Variants in ZNRF3 observed in about 807,000 individuals in gnomAD.
ZNRF3 encodes zinc and ring finger 3, also known as E3 ubiquitin-protein ligase ZNRF3.
Under a neutral mutation model 72.5 loss-of-function variants are expected in ZNRF3, and 23 were observed. The ratio of observed to expected loss-of-function variants is 0.32; its 90% confidence interval spans 0.23 to 0.45. ZNRF3 has a LOEUF of 0.45. Among genes scored for constraint, ZNRF3 ranks in the 20% least tolerant of loss-of-function variants. The pLI is 1.00. For synonymous variants in ZNRF3, 610 were observed against 545.3 expected (o/e 1.12, Z -1.65); for missense variants, 1,169 against 1,272.1 (o/e 0.92, Z 1.23).
At chr22:28,894,767 G>A (rs1018126937) in intron 1 of ZNRF3, among the ~76,000 whole-genome samples, 52 of 152,296 alleles carry the variant, frequency 3.4e-4, no homozygotes, top group African/African-American at 1.2e-3. Flanking sequence ...ACTCTCAGGG[G>A]TGCATTTAAG....
chr22:28,973,953 C>CTTTTTTTTTT (rs553300044), intron 1 of ZNRF3, among the ~76,000 whole-genome samples: 1 of 111,474 alleles, frequency 9.0e-6, no homozygotes, highest in African/African-American at 3.2e-5. Flanking sequence ...CTCTCTCTCT[C>CTTTTTTTTTT]TTTTTTTTTT....
chr22:28,924,420 C>T (rs969291264), intron 1 of ZNRF3, among the ~76,000 whole-genome samples: 3 of 152,282 alleles, frequency 2.0e-5, no homozygotes, highest in Admixed American at 6.5e-5. Context: ...GGCTTTGGAA[C>T]ACACCTGGTG....
intron 1 of ZNRF3, among the ~76,000 whole-genome samples, chr22:28,947,211 C>T (rs987558871): frequency 1.3e-5 from 2 of 151,300 alleles, no homozygotes; most frequent in Non-Finnish European, 2.9e-5. Flanking sequence ...CCATGTATTA[C>T]TGAGTAGTAT....
intron 1 of ZNRF3, among the ~76,000 whole-genome samples, chr22:28,982,853 C>T (rs1378841899): frequency 1.3e-5 from 2 of 152,148 alleles, no homozygotes; most frequent in Non-Finnish European, 2.9e-5. Flanking sequence ...CCGATGCTGT[C>T]GTCAGGGGCC....
intron 1 of ZNRF3, among the ~76,000 whole-genome samples, chr22:28,904,000 A>G (rs892319605): frequency 2.0e-5 from 3 of 152,040 alleles, no homozygotes; most frequent in African/African-American, 4.8e-5. Context: ...CTCTCTCCTC[A>G]AAGTGTCTTG....
At chr22:29,019,079 A>G (rs924903797) in intron 2 of ZNRF3, among the ~76,000 whole-genome samples, 2 of 151,728 alleles carry the variant, frequency 1.3e-5, no homozygotes, top group African/African-American at 4.8e-5. Context: ...AGACTAGCCC[A>G]GGCTTCTTAC....
At chr22:29,009,336 C>T (rs777894081) in intron 2 of ZNRF3, among the ~76,000 whole-genome samples, 6 of 151,724 alleles carry the variant, frequency 4.0e-5, no homozygotes, top group African/African-American at 1.5e-4. Context: ...CTTGACTGGG[C>T]GTGATGGTTT....
intron 1 of ZNRF3, among the ~76,000 whole-genome samples, chr22:28,884,735 G>A (rs2033743792): frequency 2.0e-5 from 3 of 152,170 alleles, no homozygotes; most frequent in African/African-American, 7.2e-5. Context: ...CCCGTCCCTC[G>A]GCCAAAGACT....
intron 1 of ZNRF3, among the ~76,000 whole-genome samples, chr22:28,979,920 G>A (rs957127757): frequency 1.3e-5 from 2 of 152,210 alleles, no homozygotes; most frequent in African/African-American, 2.4e-5. Flanking sequence ...AGAAAGCTCC[G>A]TGGAAGGGGT....
In ZNRF3 at chr22:28,883,578, C is replaced by T. The variant is rs1189110042; in HGVS notation, c.-189C>T. On this transcript the variant is annotated 5_prime_UTR_variant, in exon 1 of 9. Transcript: ENST00000544604. This position sits in a 1 kb window ranked among gnomAD's most constrained non-coding sequence, Gnocchi z 5.5. ...ACGACGCTGCCGGGGCGGGGATAAC[C>T]CCTCACGTGGAGCAGATGAAAGGGC... The T allele has an allele frequency of 1.1e-5, 5 of 455,976 alleles. No homozygotes were observed. Among genetic ancestry groups the T allele is most frequent in the Non-Finnish European group, 2.9e-6 (1 of 346,184 alleles). 28.2% of individuals were successfully genotyped at this position (455,976 alleles called of 1,614,324 possible).
chr22:28,917,199 A>C (rs2034421538), intron 1 of ZNRF3, among the ~76,000 whole-genome samples: 1 of 151,878 alleles, frequency 6.6e-6, no homozygotes, highest in African/African-American at 2.4e-5. Context: ...ACAGGAAACT[A>C]AGGACTGCCA....
At chr22:28,989,035 A>C (rs1939321493) in intron 2 of ZNRF3, among the ~76,000 whole-genome samples, 1 of 152,188 alleles carries the variant, frequency 6.6e-6, no homozygotes, top group African/African-American at 2.4e-5. Flanking sequence ...CTGTGATGCC[A>C]GGGGGAATAA....
At chr22:28,911,984 G>A (rs2034326966) in intron 1 of ZNRF3, among the ~76,000 whole-genome samples, 1 of 152,158 alleles carries the variant, frequency 6.6e-6, no homozygotes, top group African/African-American at 2.4e-5. Context: ...GCCACACTGG[G>A]ATAAACTTTG....
chr22:28,967,823 G>A (rs1011091750), intron 1 of ZNRF3, among the ~76,000 whole-genome samples: 1 of 151,656 alleles, frequency 6.6e-6, no homozygotes, highest in Non-Finnish European at 1.5e-5. Context: ...TACTCAGGTG[G>A]CTGAGGCAGG....
At chr22:28,974,250 G>C (rs545302618) in intron 1 of ZNRF3, among the ~76,000 whole-genome samples, 3 of 151,966 alleles carry the variant, frequency 2.0e-5, no homozygotes, top group Non-Finnish European at 4.4e-5. Flanking sequence ...CATGAGCCAC[G>C]ATGCCTGGCT....
At chr22:29,015,547 G>A (rs2036415945) in intron 2 of ZNRF3, among the ~76,000 whole-genome samples, 1 of 151,960 alleles carries the variant, frequency 6.6e-6, no homozygotes, top group Non-Finnish European at 1.5e-5. Context: ...GTGCACGCCT[G>A]TAGTCCCAGC....
chr22:29,025,689 T>A (rs1251803439), intron 2 of ZNRF3: 3 of 151,768 alleles, frequency 2.0e-5, no homozygotes, highest in African/African-American at 7.3e-5. Flanking sequence ...CCCGGCTAAT[T>A]TTTTGTATTT....
chr22:28,997,796 A>G lies in ZNRF3; in HGVS notation c.426+10595A>G, dbSNP rs917683245. 5.9e-5 allele frequency among the ~76,000 whole-genome samples: 9 copies of G among 152,176 alleles called. 1 individual carries two copies. In the South Asian group the frequency reaches 6.2e-4, roughly 11 times the overall value. ...GGAGGCGAGAGGATAACTTGAAGTCAGGAGTTCCAGACCAGCCTGGGCAAC... is the reference window on the plus strand; with the variant it reads ...GGAGGCGAGAGGATAACTTGAAGTCGGGAGTTCCAGACCAGCCTGGGCAAC... On this transcript the variant is annotated intron_variant, in intron 2 of 8. Transcript: ENST00000544604.
chr22:28,919,916 G>A (rs1249089964), intron 1 of ZNRF3, among the ~76,000 whole-genome samples: 5 of 152,144 alleles, frequency 3.3e-5, no homozygotes, highest in African/African-American at 9.7e-5. Context: ...GTGGAACATT[G>A]AACTCTGTTC....
Sources: allele counts gnomAD v4.1 joint callset (sites outside exome capture counted in the v4.1 genomes callset), GRCh38; gene constraint gnomAD v4.1.1; non-coding constraint Gnocchi (gnomAD v3.1); transcripts MANE v1.5; gene names NCBI Gene and HGNC (gene_info 2026-07-23, HGNC 2026-07-21).